TMEM163: variants seen among roughly 807,000 people sequenced by gnomAD.
TMEM163 encodes the protein transmembrane protein 163.
A neutral mutation model predicts 29.3 loss-of-function variants in TMEM163; 17 were observed. That is an observed-to-expected ratio of 0.58 (90% CI 0.40 to 0.87). The LOEUF is 0.87. TMEM163 is among the 40% of genes least tolerant of loss of function. The pLI is 0.00. For synonymous variants in TMEM163, 157 were observed against 160.6 expected (o/e 0.98, Z 0.17); for missense variants, 303 against 381.5 (o/e 0.79, Z 1.71).
intron 2 of TMEM163, among the ~76,000 whole-genome samples, chr2:134,627,744 T>C (rs1220791001): frequency 2.0e-5 from 3 of 152,206 alleles, no homozygotes; most frequent in Non-Finnish European, 2.9e-5. Context: ...GAAAAAGTTA[T>C]TCCTATGAAA....
intron 5 of TMEM163, among the ~76,000 whole-genome samples, chr2:134,498,397 G>A (rs1346067053): frequency 8.9e-5 from 12 of 134,460 alleles, no homozygotes; most frequent in Non-Finnish European, 1.5e-4. Context: ...TTGCACTGTC[G>A]CCCAGGCTGG....
chr2:134,662,742 T>C (rs935735782), intron 2 of TMEM163, among the ~76,000 whole-genome samples: 2 of 152,208 alleles, frequency 1.3e-5, no homozygotes, highest in Non-Finnish European at 2.9e-5. Flanking sequence ...TATCAGATCA[T>C]GGGTTTCAAA....
chr2:134,564,423 G>C (rs1681248421), intron 2 of TMEM163, among the ~76,000 whole-genome samples: 1 of 152,168 alleles, frequency 6.6e-6, no homozygotes, highest in African/African-American at 2.4e-5. Flanking sequence ...TAACATAGGA[G>C]AGGTCTGAAA....
chr2:134,456,600 C>G lies in TMEM163; in HGVS notation c.*116G>C. On this transcript the variant is annotated 3_prime_UTR_variant, in exon 8 of 8. Coordinates refer to ENST00000281924, the MANE Select transcript of TMEM163 (RefSeq NM_030923.5). ...CTGGGCAGACCTTGTCTTGTAATGA[C>G]AAACCATGTGAAAGAAAACTTCCAA... 7.8e-7 allele frequency: 1 copy of G among 1,284,404 alleles called. No homozygotes were observed. Among genetic ancestry groups the G allele is most frequent in the South Asian group, 1.3e-5 (1 of 78,104 alleles). The allele number at this position is 1,284,404 out of a possible 1,614,324, so 79.6% of individuals were successfully genotyped here.
chr2:134,700,989 A>T (rs1034121844), intron 2 of TMEM163, among the ~76,000 whole-genome samples: 2 of 149,988 alleles, frequency 1.3e-5, no homozygotes, highest in African/African-American at 4.9e-5. Flanking sequence ...TTTAAAAAAA[A>T]ATGGAAGAGA....
intron 2 of TMEM163, among the ~76,000 whole-genome samples, chr2:134,622,560 T>C (rs1184359328): frequency 1.3e-5 from 2 of 152,224 alleles, no homozygotes; most frequent in East Asian, 1.9e-4. Context: ...GGGCAAGTGA[T>C]ACTGGCTTCT....
chr2:134,674,144 G>A (rs1034835387), intron 2 of TMEM163, among the ~76,000 whole-genome samples: 1 of 152,026 alleles, frequency 6.6e-6, no homozygotes, highest in Non-Finnish European at 1.5e-5. Context: ...CTTTTGTCAA[G>A]GGTATAAATT....
At chr2:134,651,707 G>C (rs1683483420) in intron 2 of TMEM163, among the ~76,000 whole-genome samples, 1 of 79,642 alleles carries the variant, frequency 1.3e-5, no homozygotes, top group South Asian at 5.3e-4. Flanking sequence ...AATCCATCTT[G>C]AATTGATTTT....
At chr2:134,525,000 T>C (rs1251759349) in intron 4 of TMEM163, among the ~76,000 whole-genome samples, 1 of 134,512 alleles carries the variant, frequency 7.4e-6, no homozygotes, top group African/African-American at 2.7e-5. Context: ...TGTAATAGCG[T>C]TCCTATTTCT....
chr2:134,678,719 G>C (rs1300799494), intron 2 of TMEM163, among the ~76,000 whole-genome samples: 1 of 152,170 alleles, frequency 6.6e-6, no homozygotes, highest in Non-Finnish European at 1.5e-5. Context: ...AAAAGCAATA[G>C]CAAGCCCTGG....
intron 5 of TMEM163, among the ~76,000 whole-genome samples, chr2:134,480,826 A>T (rs1687035577): frequency 1.1e-5 from 1 of 92,184 alleles, no homozygotes; most frequent in South Asian, 4.1e-4. Context: ...AGGGATTAAG[A>T]GTTTTTTAAT....
At chr2:134,573,596 A>G (rs368554227) in intron 2 of TMEM163, among the ~76,000 whole-genome samples, 5 of 152,214 alleles carry the variant, frequency 3.3e-5, no homozygotes, top group East Asian at 3.9e-4. Flanking sequence ...ACTCCCTTCT[A>G]GGCAGATACA....
At chr2:134,539,025 ATC>A (rs1357203853) in intron 4 of TMEM163, among the ~76,000 whole-genome samples, 1 of 152,186 alleles carries the variant, frequency 6.6e-6, no homozygotes, top group African/African-American at 2.4e-5. Flanking sequence ...AAAACCACCT[ATC>A]TCTGTTTTGC....
chr2:134,676,945 G>C (rs531915275), intron 2 of TMEM163, among the ~76,000 whole-genome samples: 28 of 152,116 alleles, frequency 1.8e-4, no homozygotes, highest in African/African-American at 6.5e-4. Context: ...AAATAGGGCA[G>C]GAAAAAAATA....
chr2:134,542,941 T>A (rs527553472), intron 4 of TMEM163, among the ~76,000 whole-genome samples: 1 of 152,184 alleles, frequency 6.6e-6, no homozygotes, highest in East Asian at 1.9e-4. Flanking sequence ...TCTGATTGTG[T>A]CTCTGCTTTC....
chr2:134,555,585 G>A (rs552786988), intron 2 of TMEM163, among the ~76,000 whole-genome samples: 1 of 152,354 alleles, frequency 6.6e-6, no homozygotes, highest in African/African-American at 2.4e-5. Context: ...CAGCCGTGGG[G>A]CGGAGCTCTC....
intron 2 of TMEM163, among the ~76,000 whole-genome samples, chr2:134,608,646 G>C (rs867667848): frequency 3.8e-3 from 301 of 79,832 alleles, no homozygotes; most frequent in African/African-American, 0.014. Flanking sequence ...TGGTGAAAAG[G>C]ACAGACCCCG....
chr2:134,718,625 C>T (rs1685091991), intron 1 of TMEM163, 109 bp downstream of exon 1: 2 of 850,456 alleles, frequency 2.4e-6, no homozygotes, highest in Non-Finnish European at 2.9e-6. Flanking sequence ...GCTCCGCGCC[C>T]CCGCGCGCTC....
At chr2:134,483,864 C>A (rs1679257946) in intron 5 of TMEM163, among the ~76,000 whole-genome samples, 1 of 152,202 alleles carries the variant, frequency 6.6e-6, no homozygotes, top group Non-Finnish European at 1.5e-5. Flanking sequence ...CAATTTTGGG[C>A]CAGGCACAGT....
Sources: gnomAD v4.1 joint callset for allele counts (sites outside exome capture counted in the v4.1 genomes callset) on GRCh38, gnomAD v4.1.1 for gene constraint, MANE v1.5 for transcripts, NCBI Gene and HGNC (gene_info 2026-07-23, HGNC 2026-07-21) for gene names.